The following SPSB1 variants were observed in gnomAD, a reference collection of about 807,000 sequenced individuals.
The protein encoded by SPSB1 is splA/ryanodine receptor domain and SOCS box containing 1, also known as SPRY domain-containing SOCS box protein 1.
SPSB1 carries 8 observed loss-of-function variants against 21.2 expected under a neutral mutation model. The ratio of observed to expected loss-of-function variants is 0.38; its 90% confidence interval spans 0.22 to 0.68. SPSB1 has a LOEUF of 0.68. Ranked by LOEUF, SPSB1 falls within the 30% of genes least tolerant of loss-of-function variation. The probability of loss-of-function intolerance (pLI) is 0.53; values close to 1 mark genes in which losing one functional copy is unlikely to be tolerated. For missense variants in SPSB1, 242 were observed against 377.8 expected (o/e 0.64, Z 2.98); for synonymous variants, 169 against 161.7 (o/e 1.05, Z -0.34).
chr1:9,361,159 T>TTTTTTTTCTTTTTTTTTTC (rs1640468682), intron 2 of SPSB1, among the ~76,000 whole-genome samples: 3 of 33,234 alleles, frequency 9.0e-5, no homozygotes, highest in East Asian at 2.5e-3. Flanking sequence ...TCATTTTCTT[T>TTTTTTTTCTTTTTTTTTTC]TTTTTTTTTT....
At position 9,356,119 on chromosome 1, in the gene SPSB1, C is replaced by G; in HGVS notation, c.228C>G (p.His76Gln). The G allele has an allele frequency of 6.2e-7, 1 of 1,602,114 alleles. No individual in the cohort carries two copies. Among genetic ancestry groups the G allele is most frequent in the Non-Finnish European group, 8.5e-7 (1 of 1,171,370 alleles). Residue 76 changes from histidine (H) to glutamine (Q), a missense_variant, in exon 2 of 3, where the codon CAC becomes CAG. By Grantham distance (24) the His-to-Gln change is conservative. Transcript: ENST00000328089. The surrounding 1 kb of genome is among the most constrained non-coding windows in gnomAD (Gnocchi z 7.4). Reference sequence around the variant, plus strand: ...AGGAGGACGACAAGCTCATCTTTCACCGGCATCCGGTGGCCCAGAGCACGG... The same window carrying G: ...AGGAGGACGACAAGCTCATCTTTCAGCGGCATCCGGTGGCCCAGAGCACGG... ...FVKEDDKLIFHRHPVAQSTDA... is the reference protein window; with the variant it reads ...FVKEDDKLIFQRHPVAQSTDA...
At position 9,317,658 on chromosome 1, in the gene SPSB1, A is replaced by AT. The variant is rs1216858158; in HGVS notation, c.-150+24593dup. Among the ~76,000 whole-genome samples, 1 of 151,804 alleles carries AT rather than the reference A, an allele frequency of 6.6e-6. No homozygotes were observed. Among genetic ancestry groups the AT allele is most frequent in the African/African-American group, 2.4e-5 (1 of 41,284 alleles). Reference sequence around the variant, plus strand: ...ATATATATATATTTTTGTATTTTGTATTTTTTGTAGAGTTGGGGTTTCACC... The same window carrying AT: ...ATATATATATATTTTTGTATTTTGTATTTTTTTGTAGAGTTGGGGTTTCACC... On this transcript the variant is annotated intron_variant, in intron 1 of 2. Coordinates refer to ENST00000328089, the MANE Select transcript of SPSB1 (RefSeq NM_025106.4). This position sits in a 1 kb window ranked among gnomAD's most constrained non-coding sequence, Gnocchi z 4.3.
chr1:9,363,721 A>G lies in SPSB1; in HGVS notation c.695-3727A>G, dbSNP rs1204604837. On this transcript the variant is annotated intron_variant, in intron 2 of 2. Coordinates refer to ENST00000328089, the MANE Select transcript of SPSB1 (RefSeq NM_025106.4). The surrounding 1 kb of genome is among the most constrained non-coding windows in gnomAD (Gnocchi z 4.5). The stretch of plus-strand genomic sequence containing the variant: ...TTAGAAAATTTTTTTTTTTTTGGAG[A>G]TGGAGTCTCATTCTGTCACCCAGGC... Among the ~76,000 whole-genome samples the G allele has an allele frequency of 6.6e-6, 1 of 150,656 alleles. No individual in the cohort carries two copies. The highest frequency in any genetic ancestry group is 2.1e-4 in the South Asian group (1 of 4,770).
At chr1:9,331,980 G>T (rs1486747207) in intron 1 of SPSB1, among the ~76,000 whole-genome samples, 3 of 152,312 alleles carry the variant, frequency 2.0e-5, no homozygotes, top group Non-Finnish European at 2.9e-5. Context: ...AAACAAATGT[G>T]CCAAACTGTT....
chr1:9,310,553 G>A (rs1283130484), intron 1 of SPSB1, among the ~76,000 whole-genome samples: 3 of 152,176 alleles, frequency 2.0e-5, no homozygotes, highest in Admixed American at 6.5e-5. Context: ...AAATTAGCTG[G>A]ATGTGATGGT....
chr1:9,325,564 C>T (rs1639804327), intron 1 of SPSB1, among the ~76,000 whole-genome samples: 1 of 151,214 alleles, frequency 6.6e-6, no homozygotes, highest in Admixed American at 6.6e-5. Flanking sequence ...CACCGTGGAA[C>T]AGACAGTCAC....
intron 1 of SPSB1, among the ~76,000 whole-genome samples, chr1:9,341,680 A>C (rs1640093175): frequency 6.6e-6 from 1 of 152,088 alleles, no homozygotes. Flanking sequence ...TCCCTTCCTG[A>C]ACGGTGACCA....
At chr1:9,340,495 C>T (rs1298168388) in intron 1 of SPSB1, among the ~76,000 whole-genome samples, 3 of 152,216 alleles carry the variant, frequency 2.0e-5, no homozygotes, top group African/African-American at 7.2e-5. Context: ...AGAAAAGAGG[C>T]GCTTTTGATA....
chr1:9,306,503 G>A (rs1639413713), intron 1 of SPSB1, among the ~76,000 whole-genome samples: 1 of 152,168 alleles, frequency 6.6e-6, no homozygotes, highest in South Asian at 2.1e-4. Flanking sequence ...CAGGTGCTGT[G>A]CATGCATCAA....
intron 1 of SPSB1, among the ~76,000 whole-genome samples, chr1:9,315,427 TTACAA>T (rs2100475830): frequency 6.6e-6 from 1 of 152,358 alleles, no homozygotes; most frequent in Admixed American, 6.5e-5. Context: ...ACGCAAGTCT[TTACAA>T]TACAACACAC....
At chr1:9,325,960 C>A (rs1323845046) in intron 1 of SPSB1, among the ~76,000 whole-genome samples, 3 of 151,944 alleles carry the variant, frequency 2.0e-5, no homozygotes, top group Admixed American at 1.3e-4. Context: ...ACCAGTGGGG[C>A]AGGCAGGAGA....
chr1:9,332,417 G>A (rs1007592823), intron 1 of SPSB1, among the ~76,000 whole-genome samples: 1 of 152,186 alleles, frequency 6.6e-6, no homozygotes, highest in African/African-American at 2.4e-5. Flanking sequence ...GAATCTGGGT[G>A]AACTAGAGGT....
At chr1:9,316,363 G>T (rs1639612462) in intron 1 of SPSB1, among the ~76,000 whole-genome samples, 1 of 152,200 alleles carries the variant, frequency 6.6e-6, no homozygotes, top group Non-Finnish European at 1.5e-5. Context: ...AGCCCCTGGG[G>T]CACAAGGGAG....
In SPSB1 at chr1:9,293,634, C is replaced by T. The variant is rs1442075504; in HGVS notation, c.-150+563C>T. Among the ~76,000 whole-genome samples the T allele has an allele frequency of 1.3e-5, 2 of 152,148 alleles. No homozygotes were observed. The highest frequency in any genetic ancestry group is 2.9e-5 in the Non-Finnish European group (2 of 68,002). On this transcript the variant is annotated intron_variant, in intron 1 of 2. Coordinates refer to ENST00000328089, the MANE Select transcript of SPSB1 (RefSeq NM_025106.4). The surrounding 1 kb of genome is among the most constrained non-coding windows in gnomAD (Gnocchi z 5.1). ...GCCCTCCCCGCCGCCCCGGAGCCGC[C>T]GCGGCTTCTCCCAGCAGCGGAGGGA...
chr1:9,309,974 G>A (rs1380332408), intron 1 of SPSB1, among the ~76,000 whole-genome samples: 1 of 152,206 alleles, frequency 6.6e-6, no homozygotes, highest in East Asian at 1.9e-4. Context: ...CTGTCTTCTT[G>A]GGGGTTTGGC....
chr1:9,329,534 C>G (rs1182612523), intron 1 of SPSB1, among the ~76,000 whole-genome samples: 1 of 151,554 alleles, frequency 6.6e-6, no homozygotes, highest in East Asian at 1.9e-4. Context: ...CCCGTCTCTA[C>G]AAAAAATGCA....
chr1:9,320,001 A>C (rs1173432936), intron 1 of SPSB1, among the ~76,000 whole-genome samples: 2 of 152,036 alleles, frequency 1.3e-5, no homozygotes, highest in Non-Finnish European at 2.9e-5. Flanking sequence ...TCGACTTCTC[A>C]GGGGTGGAGG....
chr1:9,331,325 T>TTTTG (rs1639915039), intron 1 of SPSB1, among the ~76,000 whole-genome samples: 1 of 136,670 alleles, frequency 7.3e-6, no homozygotes, highest in African/African-American at 2.8e-5. Context: ...GCTCTTGTTT[T>TTTTG]TTTTTTTTTT....
intron 1 of SPSB1, among the ~76,000 whole-genome samples, chr1:9,349,775 A>C (rs1640226729): frequency 6.6e-6 from 1 of 152,098 alleles, no homozygotes; most frequent in South Asian, 2.1e-4. Flanking sequence ...CCACCGTTTT[A>C]TGGCTGTTTT....
Sources: allele counts gnomAD v4.1 joint callset (sites outside exome capture counted in the v4.1 genomes callset), GRCh38; gene constraint gnomAD v4.1.1; non-coding constraint Gnocchi (gnomAD v3.1); transcripts MANE v1.5; gene names NCBI Gene and HGNC (gene_info 2026-07-23, HGNC 2026-07-21).